PAK1: variants seen among roughly 807,000 people sequenced by gnomAD.
The protein encoded by PAK1 is p21 (RAC1) activated kinase 1, also known as serine/threonine-protein kinase PAK 1.
A neutral mutation model predicts 67.4 loss-of-function variants in PAK1; 29 were observed. That is an observed-to-expected ratio of 0.43 (90% CI 0.32 to 0.59). The LOEUF is 0.59. Among genes scored for constraint, PAK1 ranks in the 20% least tolerant of loss-of-function variants. PAK1 has a pLI of 0.07. For missense variants in PAK1, 337 were observed against 670.7 expected (o/e 0.50, Z 5.50); for synonymous variants, 223 against 237.4 (o/e 0.94, Z 0.56).
At chr11:77,528,596 A>T in the PAK1 span, among the ~76,000 whole-genome samples, 4 of 152,152 alleles carry the variant, frequency 2.6e-5, no homozygotes, top group African/African-American at 7.2e-5. Flanking sequence ...CCTCCCACCT[A>T]GGCCTCCCAA....
chr11:77,492,526 T>C, the PAK1 span, among the ~76,000 whole-genome samples: 10 of 150,834 alleles, frequency 6.6e-5, no homozygotes, highest in Non-Finnish European at 1.0e-4. Flanking sequence ...AGATGGCATT[T>C]GAGCTGAGGT....
chr11:77,397,890 A>G (rs1952051857), intron 1 of PAK1, among the ~76,000 whole-genome samples: 1 of 152,258 alleles, frequency 6.6e-6, no homozygotes, highest in Non-Finnish European at 1.5e-5. Flanking sequence ...AGCAATTTAT[A>G]GGTAGAGTAG....
intron 1 of PAK1, among the ~76,000 whole-genome samples, chr11:77,411,537 T>C (rs969797802): frequency 1.3e-5 from 2 of 151,880 alleles, no homozygotes; most frequent in Non-Finnish European, 2.9e-5. Context: ...AGGCGCAGCT[T>C]CCCCTTCACA....
chr11:77,428,904 A>AG (rs1228605490), intron 1 of PAK1, among the ~76,000 whole-genome samples: 2 of 151,558 alleles, frequency 1.3e-5, no homozygotes, highest in African/African-American at 4.9e-5. Flanking sequence ...CAAGATAAGG[A>AG]GGGCATCCAC....
intron 2 of PAK1, among the ~76,000 whole-genome samples, chr11:77,380,251 T>C (rs923574288): frequency 4.6e-5 from 7 of 152,160 alleles, no homozygotes; most frequent in African/African-American, 1.4e-4. Flanking sequence ...CCCAGCACTT[T>C]GGGAGGCCAA....
chr11:77,504,830 T>C, the PAK1 span, among the ~76,000 whole-genome samples: 5 of 152,358 alleles, frequency 3.3e-5, no homozygotes, highest in African/African-American at 7.2e-5. Flanking sequence ...AAAACACTTA[T>C]GAGTGCTCAC....
At chr11:77,461,486 T>C (rs1957342117) in intron 1 of PAK1, among the ~76,000 whole-genome samples, 2 of 152,220 alleles carry the variant, frequency 1.3e-5, no homozygotes, top group Non-Finnish European at 2.9e-5. Flanking sequence ...ACTGGTTCTG[T>C]TTCTCCAGTA....
At chr11:77,454,521 T>A (rs907499417) in intron 1 of PAK1, among the ~76,000 whole-genome samples, 1 of 144,090 alleles carries the variant, frequency 6.9e-6, no homozygotes, top group Non-Finnish European at 1.5e-5. Context: ...GAGCCCAGAC[T>A]TTTTTTTTTA....
At chr11:77,500,116 G>C in the PAK1 span, among the ~76,000 whole-genome samples, 1 of 152,200 alleles carries the variant, frequency 6.6e-6, no homozygotes, top group Non-Finnish European at 1.5e-5. Context: ...CACAGAATTT[G>C]TATAGCAAAG....
At chr11:77,483,196 TC>T in the PAK1 span, among the ~76,000 whole-genome samples, 1 of 97,422 alleles carries the variant, frequency 1.0e-5, no homozygotes. Context: ...AGACTCCATC[TC>T]AAAAAAAAAA....
At chr11:77,394,853 A>G (rs1951640267) in intron 1 of PAK1, among the ~76,000 whole-genome samples, 1 of 87,992 alleles carries the variant, frequency 1.1e-5, no homozygotes, top group Non-Finnish European at 3.1e-5. Flanking sequence ...CAAAAACAAA[A>G]CAAAACAAAA....
intron 2 of PAK1, among the ~76,000 whole-genome samples, chr11:77,386,990 T>C (rs1275681312): frequency 6.6e-6 from 1 of 151,972 alleles, no homozygotes; most frequent in Non-Finnish European, 1.5e-5. Flanking sequence ...GCCAGGCTAG[T>C]CTTGAGCTCC....
chr11:77,330,628 AT>A (rs1941264759), intron 14 of PAK1, among the ~76,000 whole-genome samples: 1 of 152,242 alleles, frequency 6.6e-6, no homozygotes, highest in African/African-American at 2.4e-5. Context: ...TTATACAAAA[AT>A]TAATTCAAGA....
chr11:77,431,823 T>C (rs1047227339), intron 1 of PAK1, among the ~76,000 whole-genome samples: 1 of 152,196 alleles, frequency 6.6e-6, no homozygotes, highest in Non-Finnish European at 1.5e-5. Flanking sequence ...GAAGCTGATA[T>C]CTGGAGAAGA....
At chr11:77,463,801 C>CTCAT (rs1957470462) in intron 1 of PAK1, among the ~76,000 whole-genome samples, 1 of 152,094 alleles carries the variant, frequency 6.6e-6, no homozygotes, top group Non-Finnish European at 1.5e-5. Flanking sequence ...CCAACTTCAT[C>CTCAT]TCATACCATT....
chr11:77,381,413 A>G (rs1206837743), intron 2 of PAK1, among the ~76,000 whole-genome samples: 3 of 152,354 alleles, frequency 2.0e-5, no homozygotes, highest in South Asian at 2.1e-4. Flanking sequence ...ATCCTGAGGT[A>G]AGTTTTACTT....
At chr11:77,486,216 T>C in the PAK1 span, among the ~76,000 whole-genome samples, 3 of 152,078 alleles carry the variant, frequency 2.0e-5, no homozygotes, top group Non-Finnish European at 4.4e-5. Context: ...AGTTGACTAT[T>C]GCAGGCCGGC....
At chr11:77,325,727 C>G (rs572372131) in intron 14 of PAK1, among the ~76,000 whole-genome samples, 2 of 152,256 alleles carry the variant, frequency 1.3e-5, no homozygotes, top group Admixed American at 1.3e-4. Context: ...CCAACAGATA[C>G]TAGAGACTAA....
intron 14 of PAK1, among the ~76,000 whole-genome samples, chr11:77,328,542 A>T (rs1591652431): frequency 6.6e-6 from 1 of 152,372 alleles, no homozygotes; most frequent in East Asian, 1.9e-4. Flanking sequence ...ACTACTGGGT[A>T]AATAATGAAA....
Sources: allele counts gnomAD v4.1 joint callset (sites outside exome capture counted in the v4.1 genomes callset), GRCh38; gene constraint gnomAD v4.1.1; transcripts MANE v1.5; gene names NCBI Gene and HGNC (gene_info 2026-07-23, HGNC 2026-07-21).